NAGA: variants seen among roughly 807,000 people sequenced by gnomAD.
NAGA encodes the protein Acetylgalactosaminidase, alpha-N- (alpha-galactosidase B).
A neutral mutation model predicts 45.6 loss-of-function variants in NAGA; 42 were observed. The observed-to-expected ratio is 0.92, with a 90% CI of 0.72 to 1.19. The LOEUF is 1.19. Among genes scored for constraint, NAGA ranks in the 50% most tolerant of loss-of-function variants. The probability of loss-of-function intolerance (pLI) is 0.00; values close to 1 mark genes in which losing one functional copy is unlikely to be tolerated. For missense variants in NAGA, 493 were observed against 544.8 expected, an observed-to-expected ratio of 0.90 and a Z score of 0.95; for synonymous variants, 176 against 203.1, an observed-to-expected ratio of 0.87 and a Z score of 1.13.
intron 1 of NAGA, among the ~76,000 whole-genome samples, chr22:42,069,095 A>G (rs891226603): frequency 6.6e-5 from 10 of 152,124 alleles, no homozygotes; most frequent in Non-Finnish European, 1.0e-4. Flanking sequence ...TCAAAAACTT[A>G]GCCAGGCGTG....
rs535469739 is a variant in NAGA, at chr22:42,059,851, C to A, written c.*428G>T. On this transcript the variant is annotated 3_prime_UTR_variant, in exon 9 of 9. Transcript: ENST00000396398. ...TCCCAGGTGGTATCAGGCTGCAAGGCCCTCTATGGGTAGAAAAGCCAATCA... is the reference window on the plus strand; with the variant it reads ...TCCCAGGTGGTATCAGGCTGCAAGGACCTCTATGGGTAGAAAAGCCAATCA... The A allele has an allele frequency of 8.5e-6, 2 of 235,600 alleles. No homozygotes were observed. Among genetic ancestry groups the A allele is most frequent in the African/African-American group, 2.2e-5 (1 of 45,156 alleles). The allele number at this position is 235,600 out of a possible 1,614,324, so 14.6% of individuals were successfully genotyped here. A position where few individuals can be genotyped will look rare whatever the true frequency, so the allele number is the denominator to read the frequency against.
intron 6 of NAGA, among the ~76,000 whole-genome samples, 180 bp from the exon 7 acceptor site, chr22:42,063,204 T>C (rs543997363): frequency 4.3e-4 from 65 of 152,250 alleles, no homozygotes; most frequent in Non-Finnish European, 7.8e-4. Context: ...GGGAGTTAAG[T>C]CACCTTCCAT....
Position 42,070,302 on chromosome 22 carries a change from C to T in NAGA, c.-5G>A. 1 of 1,614,236 alleles carries T rather than the reference C, an allele frequency of 6.2e-7. No homozygotes were observed. Among genetic ancestry groups the T allele is most frequent in the South Asian group, 1.1e-5 (1 of 91,082 alleles). On this transcript the variant is annotated 5_prime_UTR_variant, in exon 1 of 9. Transcript: ENST00000396398. ...GGTACCTGTCTTCAGCAGCATCGCT[C>T]TGGACTCAGCTTCCGAGGACCTGAC...
At chr22:42,063,957 G>A (rs1926560940) in intron 6 of NAGA, among the ~76,000 whole-genome samples, 1 of 152,186 alleles carries the variant, frequency 6.6e-6, no homozygotes, top group Non-Finnish European at 1.5e-5. Context: ...GTTCAAGCAC[G>A]AGAATAACTT....
Position 42,067,027 on chromosome 22 carries a change from G to A in NAGA, c.502+86C>T, listed in dbSNP as rs1926774988. 1.5e-5 allele frequency: 24 copies of A among 1,584,972 alleles called. 1 individual carries two copies. The South Asian group carries it at 2.7e-4, about 18-fold the overall frequency. On this transcript the variant is annotated intron_variant, in intron 4 of 8. Transcript: ENST00000396398. ...CCTAACCCCTGGGTAGGGGGAATTG[G>A]GAAGCTCAGCCAGGTGGGCGCTGGG...
intron 8 of NAGA, 51 bp downstream of exon 8, chr22:42,060,873 C>G (rs1470142905): frequency 6.2e-7 from 1 of 1,612,788 alleles, no homozygotes; most frequent in Non-Finnish European, 8.5e-7. Flanking sequence ...TAATACCCTC[C>G]CACAGAAATC....
rs756136933 is a variant in NAGA at position 42,065,862 on chromosome 22, C to T, written c.635G>A (p.Trp212Ter). 1.2e-6 allele frequency: 2 copies of T among 1,614,148 alleles called. No homozygotes were observed. The highest frequency in any genetic ancestry group is 1.7e-6 in the Non-Finnish European group (2 of 1,180,022). ...YSLLADICNL[W>*]RNYDDIQDSW... ...GTCCTGGATGTCATCATAGTTACGC[C>T]AGAGGTTGCAGATGTCCGCCAGCAG... Residue 212 changes from tryptophan to a stop codon, truncating the protein, a stop_gained, in exon 6 of 9, where the codon TGG (tryptophan) becomes TAG (stop). Transcript: ENST00000396398. LOFTEE classifies it high-confidence loss of function.
Position 42,066,693 on chromosome 22 carries a change from G to A in NAGA, c.597+17C>T. The A allele has an allele frequency of 6.3e-7, 1 of 1,583,550 alleles. No homozygotes were observed. Among genetic ancestry groups the A allele is most frequent in the East Asian group, 2.3e-5 (1 of 43,402 alleles). On this transcript the variant is annotated intron_variant, in intron 5 of 8. Coordinates refer to ENST00000396398, the MANE Select transcript of NAGA (RefSeq NM_000262.3). ...GGGTGTGGGAAGCGCCATCAGGCAG[G>A]GGGCAGAATGGCTTACCCTTGGGGG...
chr22:42,065,410 A>C (rs1254608066), intron 6 of NAGA, among the ~76,000 whole-genome samples: 1 of 152,202 alleles, frequency 6.6e-6, no homozygotes, highest in Non-Finnish European at 1.5e-5. Flanking sequence ...AGGAATAGCA[A>C]GGTCGTGATC....
At chr22:42,060,444 C>T (rs1385202098) in intron 8 of NAGA, 31 bp from the exon 9 acceptor site, 5 of 1,611,426 alleles carry the variant, frequency 3.1e-6, no homozygotes, top group African/African-American at 1.3e-5. Context: ...ACCAATGCCA[C>T]CATGAGAGTG....
chr22:42,061,482 T>G (rs1926389625), intron 7 of NAGA, among the ~76,000 whole-genome samples: 2 of 152,056 alleles, frequency 1.3e-5, no homozygotes, highest in South Asian at 4.2e-4. Context: ...TCCAGGAGGG[T>G]GGAGAGTGGA....
chr22:42,066,995 C>T, intron 4 of NAGA, 118 bp downstream of exon 4: 1 of 1,512,260 alleles, frequency 6.6e-7, no homozygotes, highest in Non-Finnish European at 9.1e-7. Flanking sequence ...CTGGGAGCCA[C>T]AATCCCCCTA....
At chr22:42,068,624 T>C (rs1251909655) in intron 1 of NAGA, 50 bp from the exon 2 acceptor site, 11 of 1,609,004 alleles carry the variant, frequency 6.8e-6, no homozygotes, top group Non-Finnish European at 9.3e-6. Context: ...CCCCCACAGC[T>C]CCAGCCCTCA....
chr22:42,068,835 A>ACTAACACCTGGAATTAGCAAAG (rs1926896258), intron 1 of NAGA, among the ~76,000 whole-genome samples: 1 of 152,010 alleles, frequency 6.6e-6, no homozygotes, highest in Non-Finnish European at 1.5e-5. Context: ...AATTAGCAAA[A>ACTAACACCTGGAATTAGCAAAG]CTAACACCTT....
chr22:42,062,828 T>A lies in NAGA; in HGVS notation c.956A>T (p.Lys319Met). ...PLGIQGRRIH[K>M]EKSLIEVYMR... ...TTCCTTCCCTCCACACCCTAGTACC[T>A]TGTGAATCCTGCGTCCCTGGATGCC... is the stretch of plus-strand genomic sequence containing the variant. Residue 319 changes from lysine to methionine, a missense_variant and splice_region_variant, in exon 7 of 9, where the codon AAG becomes ATG. Coordinates refer to ENST00000396398, the MANE Select transcript of NAGA (RefSeq NM_000262.3). 1 of 1,613,848 alleles carries A rather than the reference T, an allele frequency of 6.2e-7. No homozygotes were observed. Among genetic ancestry groups the A allele is most frequent in the Non-Finnish European group, 8.5e-7 (1 of 1,179,730 alleles).
chr22:42,061,494 C>CT (rs2146835652), intron 7 of NAGA, among the ~76,000 whole-genome samples: 1 of 152,312 alleles, frequency 6.6e-6, no homozygotes, highest in Admixed American at 6.5e-5. Flanking sequence ...GAGAGTGGAG[C>CT]TGGATGTGAA....
chr22:42,059,100 C>T lies in NAGA; in HGVS notation c.*1179G>A, dbSNP rs983757008. The T allele has an allele frequency of 2.0e-5, 3 of 152,194 alleles. No homozygotes were observed. The highest frequency in any genetic ancestry group is 4.4e-5 in the Non-Finnish European group (3 of 68,046). The allele number at this position is 152,194 out of a possible 1,614,324, so 9.4% of individuals were successfully genotyped here. On this transcript the variant is annotated 3_prime_UTR_variant, in exon 9 of 9. Coordinates refer to ENST00000396398, the MANE Select transcript of NAGA (RefSeq NM_000262.3). Reference sequence around the variant, plus strand: ...ACTCCTTGGGCAGCACAGTGCAAGGCCTGGGGCACTGGGTGCTCCTGCATT... The same window carrying T: ...ACTCCTTGGGCAGCACAGTGCAAGGTCTGGGGCACTGGGTGCTCCTGCATT...
At chr22:42,065,633 C>T (rs1926677235) in intron 6 of NAGA, 105 bp downstream of exon 6, 2 of 1,495,052 alleles carry the variant, frequency 1.3e-6, no homozygotes, top group Admixed American at 1.7e-5. Context: ...AAGCGCTGAC[C>T]TAGAACCCGG....
chr22:42,060,536 G>T, intron 8 of NAGA, 123 bp from the exon 9 acceptor site: 1 of 1,381,796 alleles, frequency 7.2e-7, no homozygotes, highest in Non-Finnish European at 1.0e-6. Context: ...CTTCCAGTAT[G>T]CCCTACAGAA....
Sources: allele counts gnomAD v4.1 joint callset (sites outside exome capture counted in the v4.1 genomes callset), GRCh38; gene constraint gnomAD v4.1.1; transcripts MANE v1.5; gene names NCBI Gene and HGNC (gene_info 2026-07-23, HGNC 2026-07-21).